ZNF518A: variants seen among roughly 807,000 people sequenced by gnomAD.
ZNF518A encodes zinc finger protein 518A.
ZNF518A carries 47 observed loss-of-function variants against 102.7 expected under a neutral mutation model. The ratio of observed to expected loss-of-function variants is 0.46; its 90% CI spans 0.36 to 0.58. ZNF518A has a LOEUF of 0.58. ZNF518A is among the 20% of genes least tolerant of loss of function. The probability of loss-of-function intolerance (pLI) is 0.00; values close to 1 mark genes in which losing one functional copy is unlikely to be tolerated. For missense variants in ZNF518A, 1,793 were observed against 1,699.8 expected, an observed-to-expected ratio of 1.05 and a Z score of -0.96; for synonymous variants, 652 against 594.6, an observed-to-expected ratio of 1.10 and a Z score of -1.40.
intron 3 of ZNF518A, among the ~76,000 whole-genome samples, chr10:96,148,963 C>T (rs2082302829): frequency 6.6e-6 from 1 of 152,162 alleles, no homozygotes; most frequent in Non-Finnish European, 1.5e-5. Context: ...GATCTGCCCG[C>T]CTCGGCCTCC....
At chr10:96,173,108 G>A (rs1213354577) in intron 1 of ZNF518A, among the ~76,000 whole-genome samples, 1 of 152,140 alleles carries the variant, frequency 6.6e-6, no homozygotes, top group African/African-American at 2.4e-5. Context: ...AAAATATACA[G>A]GAGGATATTT....
intron 1 of ZNF518A, among the ~76,000 whole-genome samples, chr10:96,185,123 A>G (rs993824058): frequency 8.5e-5 from 13 of 152,090 alleles, no homozygotes; most frequent in African/African-American, 3.1e-4. Flanking sequence ...TGCATCACGT[A>G]GTTCTCGTGC....
chr10:96,172,797 C>T (rs906852835), intron 1 of ZNF518A, among the ~76,000 whole-genome samples: 19 of 152,020 alleles, frequency 1.2e-4, no homozygotes, highest in Non-Finnish European at 2.1e-4. Flanking sequence ...AACAAAAGCA[C>T]ACTGGTAGAC....
intron 1 of ZNF518A, among the ~76,000 whole-genome samples, chr10:96,177,874 G>A (rs749843857): frequency 6.6e-6 from 1 of 151,890 alleles, no homozygotes; most frequent in African/African-American, 2.4e-5. Flanking sequence ...TGATACTAGG[G>A]ATAAAAAGAA....
At chr10:96,177,134 G>A (rs1302844734) in intron 1 of ZNF518A, among the ~76,000 whole-genome samples, 3 of 149,760 alleles carry the variant, frequency 2.0e-5, no homozygotes, top group Admixed American at 6.7e-5. Flanking sequence ...AAATTTAACA[G>A]AAGCCAGAGG....
intron 3 of ZNF518A, among the ~76,000 whole-genome samples, chr10:96,138,504 A>ATTG (rs2081735528): frequency 6.6e-6 from 1 of 152,164 alleles, no homozygotes; most frequent in Non-Finnish European, 1.5e-5. Flanking sequence ...TACTGACTCC[A>ATTG]ATAAGACCTT....
chr10:96,176,770 C>T (rs1432802184), intron 1 of ZNF518A, among the ~76,000 whole-genome samples: 1 of 91,480 alleles, frequency 1.1e-5, no homozygotes, highest in Non-Finnish European at 2.2e-5. Context: ...GTGGCAGACA[C>T]CTGTCATCCC....
intron 1 of ZNF518A, among the ~76,000 whole-genome samples, chr10:96,199,791 C>T (rs1199304312): frequency 1.3e-5 from 2 of 151,986 alleles, no homozygotes; most frequent in African/African-American, 4.8e-5. Context: ...AGGCCAAGGC[C>T]GCCAGGCAGA....
Position 96,157,670 on chromosome 10 carries a change from A to T in ZNF518A, c.1348A>T (p.Met450Leu). ...TGCTACGTTTATGGGCTTCAAGATG[A>T]TGGATGGAAAACAGCATATTGTATT... ...YNATFMGFKM[M>L]DGKQHIVLKL... Residue 450 changes from methionine to leucine, a missense_variant, in exon 6 of 6, where the codon ATG becomes TTG. By Grantham distance (15) the Met-to-Leu change is conservative (BLOSUM62 2). Transcript: ENST00000316045. The T allele has an allele frequency of 6.2e-7, 1 of 1,613,902 alleles. No homozygotes were observed. Among genetic ancestry groups the T allele is most frequent in the Non-Finnish European group, 8.5e-7 (1 of 1,179,816 alleles).
intron 1 of ZNF518A, chr10:96,203,430 T>C (rs891616568): frequency 6.6e-6 from 1 of 152,218 alleles, no homozygotes; most frequent in East Asian, 1.9e-4. Context: ...GGATTTAAGC[T>C]TTATTATTTT....
rs782556513 is a variant in ZNF518A at position 96,157,557 on chromosome 10, C to T, written c.1235C>T (p.Ser412Leu). 3 of 1,613,810 alleles carry T rather than the reference C, an allele frequency of 1.9e-6. No individual in the cohort carries two copies. The highest frequency in any genetic ancestry group is 2.2e-5 in the East Asian group (1 of 44,876). ...NRAEEGPNAS[S>L]GFMKTAVLGP... ...GCTGAAGAGGGACCAAACGCTAGTT[C>T]AGGTTTCATGAAGACTGCTGTACTA... Residue 412 changes from serine to leucine, a missense_variant, in exon 6 of 6, where the codon TCA becomes TTA. By Grantham distance (145) the Ser-to-Leu change is moderately radical (BLOSUM62 -2). Around this residue, in one of 3 missense-constraint regions of ZNF518A, gnomAD observed 1,741 missense variants for 1,622.6 expected, o/e 1.07. Coordinates refer to ENST00000316045, the MANE Select transcript of ZNF518A (RefSeq NM_001330736.2).
chr10:96,148,580 G>A (rs1315747721), intron 3 of ZNF518A, among the ~76,000 whole-genome samples: 5 of 120,430 alleles, frequency 4.2e-5, no homozygotes, highest in Admixed American at 8.9e-5. Flanking sequence ...GTCTGCTTGT[G>A]TCTCAGAAGC....
At chr10:96,144,556 C>T (rs1554877734) in intron 3 of ZNF518A, among the ~76,000 whole-genome samples, 2 of 152,010 alleles carry the variant, frequency 1.3e-5, no homozygotes, top group East Asian at 1.9e-4. Context: ...ACCAAAGTGA[C>T]TCAAGCAGTA....
chr10:96,178,038 T>G (rs1214020473), intron 1 of ZNF518A, among the ~76,000 whole-genome samples: 1 of 152,098 alleles, frequency 6.6e-6, no homozygotes, highest in Non-Finnish European at 1.5e-5. Flanking sequence ...GCTATTCCAA[T>G]ACTCCTCTCT....
At chr10:96,170,270 C>T (rs942490292) in intron 1 of ZNF518A, among the ~76,000 whole-genome samples, 11 of 152,194 alleles carry the variant, frequency 7.2e-5, no homozygotes, top group African/African-American at 2.4e-4. Context: ...CCCCAGGCAG[C>T]AGCAAATAAA....
intron 3 of ZNF518A, among the ~76,000 whole-genome samples, chr10:96,143,062 C>T (rs1192811846): frequency 2.6e-5 from 4 of 152,160 alleles, no homozygotes; most frequent in South Asian, 2.1e-4. Context: ...CCCGCTTTGG[C>T]CTCGCAAAGT....
At chr10:96,174,429 C>A (rs782203938) in intron 1 of ZNF518A, among the ~76,000 whole-genome samples, 163 of 151,824 alleles carry the variant, frequency 1.1e-3, no homozygotes, top group Non-Finnish European at 2.0e-3. Context: ...GCTAGACTGG[C>A]CAAGAAAATA....
intron 1 of ZNF518A, among the ~76,000 whole-genome samples, chr10:96,172,648 A>G (rs2083180459): frequency 6.6e-6 from 1 of 152,080 alleles, no homozygotes. Context: ...AAAGATGTAT[A>G]TTGTAAGCCC....
Position 96,156,546 on chromosome 10 carries a change from A to G in ZNF518A, c.224A>G (p.Gln75Arg). Residue 75 changes from glutamine (Q) to arginine (R), a missense_variant, in exon 6 of 6, where the codon CAG becomes CGG. Gln to Arg is a conservative substitution (Grantham distance 43). Transcript: ENST00000316045. ...GTTGACAAATACAGAAAATTATTTC[A>G]GAGTAAACAGCAGACTGCAAGAAAA... ...HEVDKYRKLF[Q>R]SKQQTARKSI... 1 of 1,612,410 alleles carries G rather than the reference A, an allele frequency of 6.2e-7. No homozygotes were observed. Among genetic ancestry groups the G allele is most frequent in the Non-Finnish European group, 8.5e-7 (1 of 1,179,354 alleles).
Sources: allele counts gnomAD v4.1 joint callset (sites outside exome capture counted in the v4.1 genomes callset), GRCh38; gene constraint gnomAD v4.1.1; regional missense constraint gnomAD v4.1.1; transcripts MANE v1.5; gene names NCBI Gene and HGNC (gene_info 2026-07-23, HGNC 2026-07-21).